The following GPC5 variants were observed in gnomAD, a reference collection of about 807,000 sequenced individuals.
The protein encoded by GPC5 is glypican 5.
In GPC5, 47 loss-of-function variants were observed where a neutral mutation model predicts 53.9. The observed-to-expected ratio is 0.87, with a 90% confidence interval of 0.69 to 1.11. GPC5 has a LOEUF of 1.11. GPC5 is among the 50% of genes most tolerant of loss of function. The pLI, the probability that GPC5 is intolerant of heterozygous loss-of-function variation, is 0.00. For synonymous variants in GPC5, 286 were observed against 263.3 expected, an observed-to-expected ratio of 1.09 and a Z score of -0.84; for missense variants, 748 against 713.1, an observed-to-expected ratio of 1.05 and a Z score of -0.56.
intron 6 of GPC5, among the ~76,000 whole-genome samples, chr13:91,943,021 T>A (rs1294908008): frequency 6.6e-6 from 1 of 152,130 alleles, no homozygotes; most frequent in Non-Finnish European, 1.5e-5. Flanking sequence ...TTGAGAATTA[T>A]TAATTGGATT....
chr13:91,551,673 C>T (rs1390380899), intron 2 of GPC5, among the ~76,000 whole-genome samples: 1 of 152,024 alleles, frequency 6.6e-6, no homozygotes, highest in East Asian at 1.9e-4. Context: ...ACTGCGGAGT[C>T]AGAGATGACC....
At chr13:91,929,917 AT>A (rs2039805928) in intron 6 of GPC5, among the ~76,000 whole-genome samples, 1 of 152,056 alleles carries the variant, frequency 6.6e-6, no homozygotes, top group Non-Finnish European at 1.5e-5. Context: ...ATTGATATAG[AT>A]TATTTAGTAG....
chr13:92,227,106 G>C (rs2042492623), intron 7 of GPC5, among the ~76,000 whole-genome samples: 1 of 152,112 alleles, frequency 6.6e-6, no homozygotes, highest in Non-Finnish European at 1.5e-5. Context: ...GCCCCTTTCT[G>C]AAACAGAGGA....
At chr13:92,393,336 A>G (rs1464010394) in intron 7 of GPC5, among the ~76,000 whole-genome samples, 2 of 152,186 alleles carry the variant, frequency 1.3e-5, no homozygotes, top group Admixed American at 1.3e-4. Flanking sequence ...TCACTTATAA[A>G]TGGGAGCTAA....
chr13:92,516,627 A>G (rs1880794180), intron 7 of GPC5, among the ~76,000 whole-genome samples: 1 of 152,214 alleles, frequency 6.6e-6, no homozygotes, highest in African/African-American at 2.4e-5. Context: ...TGCTGTAAAG[A>G]AAGAGAAGCC....
At chr13:92,027,131 A>G (rs2040807387) in intron 6 of GPC5, among the ~76,000 whole-genome samples, 1 of 152,194 alleles carries the variant, frequency 6.6e-6, no homozygotes, top group African/African-American at 2.4e-5. Flanking sequence ...TAATTGAGTC[A>G]TATCTGGTGT....
At chr13:91,962,470 A>G (rs1238710039) in intron 6 of GPC5, among the ~76,000 whole-genome samples, 1 of 152,172 alleles carries the variant, frequency 6.6e-6, no homozygotes, top group East Asian at 1.9e-4. Flanking sequence ...GTAGATGGCC[A>G]ATAAAAATTA....
chr13:92,222,953 A>G (rs2042460215), intron 7 of GPC5, among the ~76,000 whole-genome samples: 1 of 152,156 alleles, frequency 6.6e-6, no homozygotes, highest in South Asian at 2.1e-4. Context: ...TGCTGTATAC[A>G]AAATTAAGTT....
rs2035822500 is a variant in GPC5, at chr13:91,693,890, G to A, written c.1020+9G>A. ...AAAAATTATTGGAACAGGTAAGTAGGAGCTCCACATTTTCAGTCTGACTTC... is the reference window on the plus strand; with the variant it reads ...AAAAATTATTGGAACAGGTAAGTAGAAGCTCCACATTTTCAGTCTGACTTC... On this transcript the variant is annotated intron_variant, in intron 3 of 7. Transcript: ENST00000377067. 2 of 1,567,608 alleles carry A rather than the reference G, an allele frequency of 1.3e-6. No individual in the cohort carries two copies. Among genetic ancestry groups the A allele is most frequent in the Non-Finnish European group, 1.7e-6 (2 of 1,155,352 alleles).
intron 7 of GPC5, among the ~76,000 whole-genome samples, chr13:92,756,050 T>C (rs1204581925): frequency 6.6e-6 from 1 of 151,978 alleles, no homozygotes; most frequent in Non-Finnish European, 1.5e-5. Context: ...TAGACCAATA[T>C]CCTTGATGAA....
At chr13:91,824,296 T>C (rs937417296) in intron 5 of GPC5, among the ~76,000 whole-genome samples, 12 of 152,072 alleles carry the variant, frequency 7.9e-5, no homozygotes, top group East Asian at 3.9e-4. Flanking sequence ...TATGATGGCA[T>C]GAAATTTTGA....
intron 2 of GPC5, among the ~76,000 whole-genome samples, chr13:91,663,633 A>ATT (rs112955559): frequency 2.1e-5 from 3 of 146,010 alleles, no homozygotes; most frequent in South Asian, 2.2e-4. Flanking sequence ...AATTAAAAAC[A>ATT]TTTTTTTTTT....
intron 3 of GPC5, among the ~76,000 whole-genome samples, chr13:91,706,830 A>G (rs1375395846): frequency 2.6e-5 from 4 of 152,328 alleles, no homozygotes. Flanking sequence ...AATGAAATAT[A>G]TACTTTGTAA....
intron 7 of GPC5, among the ~76,000 whole-genome samples, chr13:92,166,071 T>C (rs1020707136): frequency 1.3e-5 from 2 of 152,160 alleles, no homozygotes; most frequent in Non-Finnish European, 2.9e-5. Flanking sequence ...AAATAGAAAA[T>C]TGCAGAAGAA....
chr13:92,321,452 G>A (rs1043768804), intron 7 of GPC5, among the ~76,000 whole-genome samples: 1 of 152,130 alleles, frequency 6.6e-6, no homozygotes, highest in African/African-American at 2.4e-5. Context: ...ATAGCTGGGT[G>A]TGGTGGCACA....
In GPC5 at chr13:91,478,918, CT is replaced by C. The variant is rs1217359225; in HGVS notation, c.325+30006del. Among the ~76,000 whole-genome samples the C allele has an allele frequency of 4.4e-4, 41 of 93,052 alleles. 1 individual carries two copies. The highest frequency in any genetic ancestry group is 1.4e-3 in the African/African-American group (35 of 24,650). 61.0% of individuals were successfully genotyped at this position (93,052 alleles called of 152,430 possible). A position where few individuals can be genotyped will look rare whatever the true frequency, so the allele number is the denominator to read the frequency against. On this transcript the variant is annotated intron_variant, in intron 2 of 7. Coordinates refer to ENST00000377067, the MANE Select transcript of GPC5 (RefSeq NM_004466.6). The stretch of plus-strand genomic sequence containing the variant: ...ATATATATATGCACATATATATATT[CT>C]TTTTTTTTTCTTTAGATGCAGTCTT...
chr13:92,441,888 A>T (rs1272144527), intron 7 of GPC5, among the ~76,000 whole-genome samples: 1 of 152,194 alleles, frequency 6.6e-6, no homozygotes, highest in Non-Finnish European at 1.5e-5. Flanking sequence ...AGCAATCCTA[A>T]CTAATCAAAA....
chr13:92,388,852 A>G (rs1277539844), intron 7 of GPC5, among the ~76,000 whole-genome samples: 1 of 152,038 alleles, frequency 6.6e-6, no homozygotes. Flanking sequence ...GGACAGGGAG[A>G]TGTTTGGTTA....
intron 7 of GPC5, among the ~76,000 whole-genome samples, chr13:92,166,948 TCTCTCTCTCACACACACACACA>T (rs1428116434): frequency 1.0e-4 from 6 of 57,242 alleles, no homozygotes; most frequent in African/African-American, 2.7e-4. Flanking sequence ...TCTCTCTCTC[TCTCTCTCTCACACACACACACA>T]CACACACACA....
Sources: allele counts gnomAD v4.1 joint callset (sites outside exome capture counted in the v4.1 genomes callset), GRCh38; gene constraint gnomAD v4.1.1; transcripts MANE v1.5; gene names NCBI Gene and HGNC (gene_info 2026-07-23, HGNC 2026-07-21).